CDK14: variants seen among roughly 807,000 people sequenced by gnomAD.
The protein encoded by CDK14 is cyclin dependent kinase 14.
In CDK14, 34 loss-of-function variants were observed where a neutral mutation model predicts 60.7. That is an observed-to-expected ratio of 0.56 (90% CI 0.43 to 0.75). CDK14 has a LOEUF of 0.75. CDK14 is among the 30% of genes least tolerant of loss of function. The pLI, the probability that CDK14 is intolerant of heterozygous loss-of-function variation, is 0.00. For synonymous variants in CDK14, 197 were observed against 203.7 expected, an observed-to-expected ratio of 0.97 and a Z score of 0.28; for missense variants, 482 against 564.1, an observed-to-expected ratio of 0.85 and a Z score of 1.47.
chr7:90,756,890 G>A (rs73707521), intron 4 of CDK14, among the ~76,000 whole-genome samples: 1,893 of 152,314 alleles, frequency 0.012, 24 homozygotes, highest in African/African-American at 0.042. Context: ...TTTTCAGTTT[G>A]TGAGCATTTT....
chr7:90,968,962 G>T (rs1794839234), intron 9 of CDK14, among the ~76,000 whole-genome samples: 1 of 152,138 alleles, frequency 6.6e-6, no homozygotes, highest in African/African-American at 2.4e-5. Flanking sequence ...AGAAGGACCT[G>T]GTTCCTGCCC....
At chr7:90,985,374 A>G (rs781534616) in intron 10 of CDK14, among the ~76,000 whole-genome samples, 61 of 152,150 alleles carry the variant, frequency 4.0e-4, no homozygotes, top group Non-Finnish European at 7.8e-4. Context: ...GCTTTGAAGA[A>G]TAATTGACTA....
chr7:91,201,252 G>A lies in CDK14; in HGVS notation c.*29-5913G>A, dbSNP rs78202575. Among the ~76,000 whole-genome samples the A allele has an allele frequency of 9.3e-4, 141 of 152,174 alleles. 3 individuals carry two copies. In the East Asian group the frequency reaches 0.025, roughly 27 times the overall value. On this transcript the variant is annotated intron_variant, in intron 14 of 14. Coordinates refer to ENST00000380050, the MANE Select transcript of CDK14 (RefSeq NM_001287135.2). ...TTTATACTGTCTTTACTGTTATGAG[G>A]TAGCTTTCTTTCTGTCAAATGTTAG...
At chr7:91,013,326 G>A (rs1019575455) in intron 10 of CDK14, among the ~76,000 whole-genome samples, 4 of 151,782 alleles carry the variant, frequency 2.6e-5, no homozygotes, top group African/African-American at 9.7e-5. Context: ...TCTACTTTGA[G>A]TTCTGCTTTC....
chr7:90,938,115 C>G (rs1358605792), intron 8 of CDK14, among the ~76,000 whole-genome samples: 1 of 152,202 alleles, frequency 6.6e-6, no homozygotes, highest in African/African-American at 2.4e-5. Flanking sequence ...AATCATACCA[C>G]TAACTGATAA....
intron 5 of CDK14, among the ~76,000 whole-genome samples, chr7:90,813,360 G>A (rs945726272): frequency 2.0e-5 from 3 of 152,160 alleles, no homozygotes; most frequent in African/African-American, 7.2e-5. Flanking sequence ...TTGGGCAACT[G>A]TATAATAATT....
At chr7:90,933,473 CAT>C (rs761485874) in intron 8 of CDK14, among the ~76,000 whole-genome samples, 41 of 152,124 alleles carry the variant, frequency 2.7e-4, no homozygotes, top group African/African-American at 4.3e-4. Context: ...CAAATCTTCA[CAT>C]AGTCTCCTTT....
At chr7:90,928,264 G>A (rs977886964) in intron 8 of CDK14, among the ~76,000 whole-genome samples, 17 of 152,120 alleles carry the variant, frequency 1.1e-4, no homozygotes, top group East Asian at 1.9e-4. Context: ...CATTGCTGGC[G>A]ATGAACTGCG....
chr7:91,201,748 G>T (rs532668549), intron 14 of CDK14, among the ~76,000 whole-genome samples: 6 of 152,288 alleles, frequency 3.9e-5, no homozygotes, highest in African/African-American at 1.4e-4. Flanking sequence ...GAATTAGAAA[G>T]AGCCTGGCTC....
chr7:91,049,539 C>A (rs549454921), intron 11 of CDK14, among the ~76,000 whole-genome samples: 5 of 152,084 alleles, frequency 3.3e-5, no homozygotes, highest in Non-Finnish European at 7.4e-5. Context: ...TTTTAAAGAC[C>A]AATTTCTGTT....
intron 7 of CDK14, among the ~76,000 whole-genome samples, chr7:90,907,287 T>C (rs1792739836): frequency 6.6e-6 from 1 of 152,048 alleles, no homozygotes; most frequent in African/African-American, 2.4e-5. Context: ...TAGTTGAATA[T>C]AGAACTTGTA....
intron 6 of CDK14, among the ~76,000 whole-genome samples, chr7:90,866,775 G>A (rs764359930): frequency 6.6e-6 from 1 of 152,148 alleles, no homozygotes; most frequent in Non-Finnish European, 1.5e-5. Context: ...AATGAAATAA[G>A]TGGTAAAAAT....
chr7:90,798,196 T>C (rs375148757), intron 5 of CDK14, among the ~76,000 whole-genome samples: 2,463 of 151,160 alleles, frequency 0.016, 36 homozygotes, highest in Middle Eastern at 0.027. Flanking sequence ...TGATTTTTTT[T>C]TTTTTTGTAG....
chr7:90,944,869 C>T (rs893755820), intron 8 of CDK14, among the ~76,000 whole-genome samples: 2 of 152,144 alleles, frequency 1.3e-5, no homozygotes, highest in African/African-American at 4.8e-5. Context: ...AATCAGAGAA[C>T]AGAGGAACGT....
intron 4 of CDK14, among the ~76,000 whole-genome samples, chr7:90,767,923 G>C (rs1254018552): frequency 6.6e-6 from 1 of 152,190 alleles, no homozygotes; most frequent in African/African-American, 2.4e-5. Context: ...CTCTCAACCT[G>C]TTGTGTCCTT....
intron 2 of CDK14, among the ~76,000 whole-genome samples, chr7:90,661,438 T>G (rs993680419): frequency 1.3e-5 from 2 of 152,186 alleles, no homozygotes; most frequent in Admixed American, 6.5e-5. Flanking sequence ...GTTTGTTAGT[T>G]ATGTTCATAG....
intron 7 of CDK14, among the ~76,000 whole-genome samples, chr7:90,910,865 A>T (rs570013436): frequency 6.6e-6 from 1 of 152,178 alleles, no homozygotes; most frequent in South Asian, 2.1e-4. Flanking sequence ...GGTTGTACCG[A>T]TTATTTCATC....
intron 1 of CDK14, among the ~76,000 whole-genome samples, chr7:90,600,507 A>C (rs1470701858): frequency 6.6e-6 from 1 of 152,196 alleles, no homozygotes; most frequent in Non-Finnish European, 1.5e-5. Flanking sequence ...CACCATGTAT[A>C]CCATTTCTTT....
At chr7:90,797,073 G>C (rs1788461542) in intron 5 of CDK14, among the ~76,000 whole-genome samples, 1 of 151,714 alleles carries the variant, frequency 6.6e-6, no homozygotes, top group Admixed American at 6.6e-5. Context: ...TTTTGATCCT[G>C]ACTTTGTTTT....
Sources: gnomAD v4.1 joint callset for allele counts (sites outside exome capture counted in the v4.1 genomes callset) on GRCh38, gnomAD v4.1.1 for gene constraint, MANE v1.5 for transcripts, NCBI Gene and HGNC (gene_info 2026-07-23, HGNC 2026-07-21) for gene names.